The following SV2C variants were observed in gnomAD, a reference collection of about 807,000 sequenced individuals.
SV2C encodes synaptic vesicle glycoprotein 2C.
SV2C carries 49 observed loss-of-function variants against 79.7 expected under a neutral mutation model. The observed-to-expected ratio is 0.61, with a 90% CI of 0.49 to 0.78. The LOEUF (loss-of-function observed/expected upper bound fraction) is 0.78, where lower values mean the gene tolerates loss of function less well. Ranked by LOEUF, SV2C falls within the 30% of genes least tolerant of loss-of-function variation. SV2C has a pLI of 0.00. For synonymous variants in SV2C, 334 were observed against 333.2 expected (o/e 1.00, Z -0.03); for missense variants, 833 against 912.9 (o/e 0.91, Z 1.13).
chr5:76,230,383 AG>A (rs1464140679), intron 4 of SV2C, among the ~76,000 whole-genome samples: 7 of 152,226 alleles, frequency 4.6e-5, no homozygotes, highest in African/African-American at 1.4e-4. Flanking sequence ...GGTCATGGGG[AG>A]GGTAATGAAT....
the SV2C span, among the ~76,000 whole-genome samples, chr5:76,002,773 T>C: frequency 6.6e-6 from 1 of 152,276 alleles, no homozygotes; most frequent in East Asian, 1.9e-4. Context: ...AAGGTAATTA[T>C]GAAACACTAA....
intron 1 of SV2C, among the ~76,000 whole-genome samples, chr5:76,111,066 T>G (rs572194080): frequency 6.6e-6 from 1 of 152,212 alleles, no homozygotes; most frequent in Non-Finnish European, 1.5e-5. Context: ...AAATGTGCAA[T>G]GCAGATGATG....
intron 4 of SV2C, among the ~76,000 whole-genome samples, chr5:76,210,228 C>T (rs2112355742): frequency 6.6e-6 from 1 of 152,332 alleles, no homozygotes; most frequent in South Asian, 2.1e-4. Flanking sequence ...AATTCTGACA[C>T]TATGTTACTT....
At chr5:76,053,850 A>G in the SV2C span, among the ~76,000 whole-genome samples, 1 of 152,176 alleles carries the variant, frequency 6.6e-6, no homozygotes. Context: ...AGGTCCATGT[A>G]TCTGCCCTAC....
At chr5:76,019,185 A>G in the SV2C span, among the ~76,000 whole-genome samples, 1 of 152,168 alleles carries the variant, frequency 6.6e-6, no homozygotes, top group Non-Finnish European at 1.5e-5. Flanking sequence ...AGAAGCATGT[A>G]TGGAGTTCTG....
At chr5:75,925,858 T>C in the SV2C span, among the ~76,000 whole-genome samples, 1 of 152,186 alleles carries the variant, frequency 6.6e-6, no homozygotes. Flanking sequence ...GTTTATCATC[T>C]ACCTGCAATG....
At chr5:76,302,104 G>A (rs1748027438) in intron 12 of SV2C, among the ~76,000 whole-genome samples, 2 of 152,174 alleles carry the variant, frequency 1.3e-5, no homozygotes, top group Non-Finnish European at 2.9e-5. Context: ...AACTTAGTTT[G>A]TAGGCTAACA....
chr5:76,035,760 G>T, the SV2C span, among the ~76,000 whole-genome samples: 1 of 152,068 alleles, frequency 6.6e-6, no homozygotes, highest in Non-Finnish European at 1.5e-5. Context: ...TGTCTATTAG[G>T]TCTGCTTGGT....
At chr5:76,351,529 C>T (rs1193212474) in intron 12 of SV2C, among the ~76,000 whole-genome samples, 1 of 152,162 alleles carries the variant, frequency 6.6e-6, no homozygotes, top group Non-Finnish European at 1.5e-5. Context: ...TGGGGTGTCC[C>T]TCTTCCCACA....
At chr5:75,912,080 T>C in the SV2C span, among the ~76,000 whole-genome samples, 5,067 of 152,228 alleles carry the variant, frequency 0.033, 268 homozygotes, top group African/African-American at 0.11. Flanking sequence ...GAAGAGAACA[T>C]TAGACTCAAG....
intron 2 of SV2C, among the ~76,000 whole-genome samples, chr5:76,183,116 A>C (rs1743803777): frequency 7.4e-6 from 1 of 134,806 alleles, no homozygotes; most frequent in Non-Finnish European, 1.5e-5. Flanking sequence ...GGCTCACTGC[A>C]CCCTCCACCT....
the SV2C span, among the ~76,000 whole-genome samples, chr5:76,032,253 T>C: frequency 6.6e-6 from 1 of 152,152 alleles, no homozygotes; most frequent in African/African-American, 2.4e-5. Flanking sequence ...AATAATCTTT[T>C]TTTATTATTA....
the SV2C span, among the ~76,000 whole-genome samples, chr5:75,961,132 A>G: frequency 1.8e-4 from 28 of 152,158 alleles, no homozygotes; most frequent in African/African-American, 6.7e-4. Flanking sequence ...TACCTTGCCA[A>G]TATATTTTCA....
intron 1 of SV2C, among the ~76,000 whole-genome samples, chr5:76,102,652 C>G (rs1202399503): frequency 6.6e-6 from 1 of 152,144 alleles, no homozygotes; most frequent in Non-Finnish European, 1.5e-5. Flanking sequence ...TTAAATAGAG[C>G]TTTTATACCT....
At chr5:76,044,785 G>A in the SV2C span, among the ~76,000 whole-genome samples, 1 of 152,020 alleles carries the variant, frequency 6.6e-6, no homozygotes, top group Non-Finnish European at 1.5e-5. Context: ...TTGTAAATTT[G>A]TTTAAGTTCC....
At chr5:76,224,712 C>G (rs187964910) in intron 4 of SV2C, among the ~76,000 whole-genome samples, 1 of 152,192 alleles carries the variant, frequency 6.6e-6, no homozygotes, top group Non-Finnish European at 1.5e-5. Flanking sequence ...CCTTTTTCTT[C>G]CATATCTAGA....
At chr5:75,963,549 G>T in the SV2C span, among the ~76,000 whole-genome samples, 1 of 151,964 alleles carries the variant, frequency 6.6e-6, no homozygotes, top group Non-Finnish European at 1.5e-5. Context: ...AGTACTCTGG[G>T]TTCCTTTTTA....
At chr5:75,894,907 C>T in the SV2C span, among the ~76,000 whole-genome samples, 1 of 151,980 alleles carries the variant, frequency 6.6e-6, no homozygotes, top group African/African-American at 2.4e-5. Context: ...TGTGCACAGG[C>T]AGGAGGTAAG....
the SV2C span, chr5:75,910,576 G>C: frequency 1.4e-6 from 1 of 697,612 alleles, no homozygotes; most frequent in South Asian, 1.5e-5. Flanking sequence ...AGTTCAGTGA[G>C]ATTGAGGAGA....
Sources: gnomAD v4.1 joint callset for allele counts (sites outside exome capture counted in the v4.1 genomes callset) on GRCh38, gnomAD v4.1.1 for gene constraint, MANE v1.5 for transcripts, NCBI Gene and HGNC (gene_info 2026-07-23, HGNC 2026-07-21) for gene names.